The following ZNF721 variants were observed in gnomAD, a reference collection of about 807,000 sequenced individuals.
ZNF721 encodes zinc finger protein 721.
Under a neutral mutation model 2.4 loss-of-function variants are expected in ZNF721, and 2 were observed. That is an observed-to-expected ratio of 0.82 (90% CI 0.34 to 2.58). ZNF721 has a LOEUF of 2.58. Among genes scored for constraint, ZNF721 ranks in the 30% most tolerant of loss-of-function variants. The pLI is 0.11. For synonymous variants in ZNF721, 398 were observed against 381.8 expected, an observed-to-expected ratio of 1.04 and a Z score of -0.50; for missense variants, 1,187 against 1,085.5, an observed-to-expected ratio of 1.09 and a Z score of -1.31.
At chr4:445,657 T>C (rs1188849637) in intron 2 of ZNF721, among the ~76,000 whole-genome samples, 1 of 151,764 alleles carries the variant, frequency 6.6e-6, no homozygotes, top group Non-Finnish European at 1.5e-5. Flanking sequence ...AGAACATCAA[T>C]GAAAACATTA....
In ZNF721 at chr4:445,792, C is replaced by T. The variant is rs180715763; in HGVS notation, c.35-1360G>A. Among the ~76,000 whole-genome samples, 63 of 152,168 alleles carry T rather than the reference C, an allele frequency of 4.1e-4. No individual in the cohort carries two copies. The Middle Eastern group carries it at 0.017, about 41-fold the overall frequency. Reference sequence around the variant, plus strand: ...AACTAGGATACACACACAGATTTATCGCAAGGCACATATATATACATGAGC... The same window carrying T: ...AACTAGGATACACACACAGATTTATTGCAAGGCACATATATATACATGAGC... On this transcript the variant is annotated intron_variant, in intron 2 of 2. Coordinates refer to ENST00000511833, the MANE Select transcript of ZNF721 (RefSeq NM_133474.4).
intron 1 of ZNF721, among the ~76,000 whole-genome samples, chr4:483,653 T>C (rs1219929899): frequency 6.6e-6 from 1 of 152,184 alleles, no homozygotes; most frequent in African/African-American, 2.4e-5. Flanking sequence ...CGGGTAGTTC[T>C]AGTCTATAGC....
chr4:494,297 G>T (rs1228815472), intron 1 of ZNF721, among the ~76,000 whole-genome samples: 6 of 150,444 alleles, frequency 4.0e-5, no homozygotes, highest in African/African-American at 1.5e-4. Flanking sequence ...TTCTCCTGCT[G>T]CAACCTCCCG....
intron 2 of ZNF721, among the ~76,000 whole-genome samples, chr4:462,502 ATAC>A (rs1305069245): frequency 6.6e-6 from 1 of 152,252 alleles, no homozygotes; most frequent in African/African-American, 2.4e-5. Flanking sequence ...ACTTCAAACT[ATAC>A]TACAAGGCTA....
intron 1 of ZNF721, among the ~76,000 whole-genome samples, chr4:488,249 C>A (rs1417090829): frequency 1.3e-5 from 2 of 152,154 alleles, no homozygotes; most frequent in African/African-American, 4.8e-5. Context: ...TTCAAAATAT[C>A]AAGGACCTGG....
intron 2 of ZNF721, among the ~76,000 whole-genome samples, chr4:460,444 G>A (rs903841482): frequency 6.6e-5 from 10 of 152,204 alleles, no homozygotes; most frequent in Non-Finnish European, 1.5e-4. Context: ...GCAGTCTTTG[G>A]AGGGAAATCT....
chr4:476,635 GCACCACAAGTGC>G (rs1379202025), intron 1 of ZNF721, among the ~76,000 whole-genome samples: 1 of 152,092 alleles, frequency 6.6e-6, no homozygotes, highest in Non-Finnish European at 1.5e-5. Context: ...AATGAGCTTG[GCACCACAAGTGC>G]CACCACAGAA....
At chr4:491,642 C>T (rs28668311) in intron 1 of ZNF721, among the ~76,000 whole-genome samples, 1,626 of 152,206 alleles carry the variant, frequency 0.011, 25 homozygotes, top group African/African-American at 0.037. Flanking sequence ...ACACAAAATT[C>T]CAGACAAGAC....
At chr4:450,845 G>C (rs1270972441) in intron 2 of ZNF721, among the ~76,000 whole-genome samples, 3 of 149,618 alleles carry the variant, frequency 2.0e-5, no homozygotes, top group Non-Finnish European at 3.0e-5. Flanking sequence ...GCTGAGGAAG[G>C]AGAATGGCGT....
chr4:444,467 A>C (rs782643388), intron 2 of ZNF721, 35 bp from the exon 3 acceptor site: 8 of 1,525,342 alleles, frequency 5.2e-6, no homozygotes, highest in African/African-American at 1.4e-5. Context: ...TATCCCAGTT[A>C]CTAGATTCAT....
intron 2 of ZNF721, among the ~76,000 whole-genome samples, chr4:445,959 A>G (rs1391379992): frequency 2.6e-5 from 4 of 152,220 alleles, no homozygotes; most frequent in Non-Finnish European, 5.9e-5. Flanking sequence ...AATATAATTA[A>G]GATGCTGGAG....
At chr4:457,174 TTTTA>T (rs1178539895) in intron 2 of ZNF721, among the ~76,000 whole-genome samples, 4 of 152,190 alleles carry the variant, frequency 2.6e-5, no homozygotes, top group African/African-American at 9.7e-5. Context: ...AATGTGAGCA[TTTTA>T]TTTCAGAAAT....
At chr4:467,875 G>A (rs537250779) in intron 2 of ZNF721, among the ~76,000 whole-genome samples, 86 of 152,114 alleles carry the variant, frequency 5.7e-4, no homozygotes, top group Admixed American at 2.5e-3. Flanking sequence ...GGTGGCTCAC[G>A]CCTGTAAGCC....
chr4:480,527 A>C (rs1283280121), intron 1 of ZNF721, among the ~76,000 whole-genome samples: 1 of 151,992 alleles, frequency 6.6e-6, no homozygotes, highest in African/African-American at 2.4e-5. Flanking sequence ...GCTGAAACTA[A>C]ATACCCCTGA....
At chr4:477,396 C>T (rs1024517289) in intron 1 of ZNF721, among the ~76,000 whole-genome samples, 2 of 151,872 alleles carry the variant, frequency 1.3e-5, no homozygotes, top group Non-Finnish European at 1.5e-5. Flanking sequence ...AGCCAACACA[C>T]CCAGCTAATT....
intron 2 of ZNF721, among the ~76,000 whole-genome samples, chr4:458,375 C>T (rs1467930840): frequency 6.6e-6 from 1 of 152,192 alleles, no homozygotes; most frequent in East Asian, 1.9e-4. Flanking sequence ...GAAATCTCAT[C>T]AGCCCAGAAT....
chr4:474,168 A>T (rs1266590949), intron 1 of ZNF721: 2 of 556,676 alleles, frequency 3.6e-6, no homozygotes, highest in Non-Finnish European at 5.9e-6. Flanking sequence ...AAGATCCCGG[A>T]TGCCGCCCCC....
Position 441,840 on chromosome 4 carries a change from T to C in ZNF721, c.2627A>G (p.Gln876Arg), listed in dbSNP as rs1553863172. 1.2e-6 allele frequency: 2 copies of C among 1,614,056 alleles called. No individual in the cohort carries two copies. The highest frequency in any genetic ancestry group is 1.1e-5 in the South Asian group (1 of 91,074). ...TCGECGKTFRQSANLYAHKKI... is the reference protein window; with the variant it reads ...TCGECGKTFRRSANLYAHKKI... ...CTTATGCGCATAAAGATTTGCAGAC[T>C]GTCTAAAGGTTTTGCCACATTCTCC... is the stretch of plus-strand genomic sequence containing the variant. The change falls in exon 3 of 3, where the codon CAG (glutamine) becomes CGG (arginine). Residue 876 changes from glutamine (Q) to arginine (R), a missense_variant. Gln to Arg is a conservative substitution (Grantham distance 43, BLOSUM62 1). Transcript: ENST00000511833.
chr4:445,648 GAAC>G (rs1170910727), intron 2 of ZNF721, among the ~76,000 whole-genome samples: 2 of 151,492 alleles, frequency 1.3e-5, no homozygotes, highest in Non-Finnish European at 2.9e-5. Flanking sequence ...AGAAAAATCA[GAAC>G]ATCAATGAAA....
Sources: allele counts gnomAD v4.1 joint callset (sites outside exome capture counted in the v4.1 genomes callset), GRCh38; gene constraint gnomAD v4.1.1; transcripts MANE v1.5; gene names NCBI Gene and HGNC (gene_info 2026-07-23, HGNC 2026-07-21).